The following FAT4 variants were observed in gnomAD, a reference collection of about 807,000 sequenced individuals.
FAT4 encodes protocadherin Fat 4.
A neutral mutation model predicts 303.9 loss-of-function variants in FAT4; 84 were observed. The observed-to-expected ratio is 0.28, with a 90% confidence interval of 0.23 to 0.33. The LOEUF (loss-of-function observed/expected upper bound fraction) is 0.33. Among genes scored for constraint, FAT4 ranks in the 10% least tolerant of loss-of-function variants. FAT4 has a pLI of 1.00. For missense variants in FAT4, 6,005 were observed against 6,146.8 expected (o/e 0.98, Z 0.77); for synonymous variants, 2,307 against 2,298.8 (o/e 1.00, Z -0.10).
chr4:125,418,866 AAG>A (rs1226327281), intron 7 of FAT4, among the ~76,000 whole-genome samples: 1 of 145,532 alleles, frequency 6.9e-6, no homozygotes, highest in Non-Finnish European at 1.5e-5. Context: ...CCTTTCTTAC[AAG>A]AGTTTGCCTT....
At chr4:125,476,496 G>A (rs1302389021) in intron 13 of FAT4, among the ~76,000 whole-genome samples, 1 of 152,110 alleles carries the variant, frequency 6.6e-6, no homozygotes, top group Non-Finnish European at 1.5e-5. Context: ...AATATAGCCA[G>A]TAGTCTTTGG....
At chr4:125,386,308 C>T (rs1178027896) in intron 2 of FAT4, among the ~76,000 whole-genome samples, 2 of 152,150 alleles carry the variant, frequency 1.3e-5, no homozygotes. Context: ...GGCGGATTCT[C>T]ACTCTGTTGC....
rs1303175295 is a variant in FAT4 at position 125,406,860 on chromosome 4, T to C, written c.5308-20T>C. On this transcript the variant is annotated intron_variant, in intron 3 of 17. Transcript: ENST00000394329. ...GCTTTTCTACTTCCAATAGCTCAGA[T>C]GCTTGGTCTCTTTTTTTAGGGTGCA... 3 of 1,609,976 alleles carry C rather than the reference T, an allele frequency of 1.9e-6. No homozygotes were observed. The highest frequency in any genetic ancestry group is 1.1e-5 in the South Asian group (1 of 90,780).
Position 125,415,321 on chromosome 4 carries a change from T to C in FAT4, c.6358T>C (p.Tyr2120His). Residue 2120 changes from tyrosine (Y) to histidine (H), a missense_variant, in exon 6 of 18, where the codon TAT becomes CAT. By Grantham distance (83) the Tyr-to-His change is moderately conservative. Transcript: ENST00000394329. ...GELDREEVSN[Y>H]TLTVVATDKG... The stretch of plus-strand genomic sequence containing the variant: ...ACTGGACAGAGAAGAAGTTTCTAAT[T>C]ATACTCTAACAGTGGTGGCTACAGA... 2 of 1,614,020 alleles carry C rather than the reference T, an allele frequency of 1.2e-6. No individual in the cohort carries two copies. The highest frequency in any genetic ancestry group is 1.7e-6 in the Non-Finnish European group (2 of 1,179,968).
intron 12 of FAT4, 60 bp downstream of exon 12, chr4:125,468,879 A>G: frequency 6.7e-7 from 1 of 1,494,106 alleles, no homozygotes; most frequent in Non-Finnish European, 9.1e-7. Context: ...TAAAGTATGA[A>G]TTGGGGTGCA....
intron 2 of FAT4, among the ~76,000 whole-genome samples, chr4:125,378,000 T>C (rs1157812828): frequency 6.6e-6 from 1 of 152,110 alleles, no homozygotes; most frequent in African/African-American, 2.4e-5. Context: ...AGGGTTGTAT[T>C]GCATATTAAC....
chr4:125,459,637 T>A (rs1296784305), intron 10 of FAT4, among the ~76,000 whole-genome samples: 1 of 152,040 alleles, frequency 6.6e-6, no homozygotes, highest in Non-Finnish European at 1.5e-5. Flanking sequence ...GCAGTAAACA[T>A]ATCTTAATGG....
Position 125,411,450 on chromosome 4 carries a change from C to T in FAT4, c.5920+2656C>T, listed in dbSNP as rs529890322. Among the ~76,000 whole-genome samples, 4 of 151,850 alleles carry T rather than the reference C, an allele frequency of 2.6e-5. No individual in the cohort carries two copies. In the East Asian group the frequency reaches 5.8e-4, roughly 22 times the overall value. On this transcript the variant is annotated intron_variant, in intron 5 of 17. Transcript: ENST00000394329. ...ATATTAAAATGTTTTGCTAATAATA[C>T]AATTGGAATTTTTGCTGAATAAATG...
At position 125,451,348 on chromosome 4, in the gene FAT4, C is replaced by T. The variant is rs376736700; in HGVS notation, c.10338C>T (p.Ile3446=). Residue 3446 remains isoleucine, a synonymous_variant, in exon 10 of 18, where the codon ATC becomes ATT. Coordinates refer to ENST00000394329, the MANE Select transcript of FAT4 (RefSeq NM_001291303.3). ...IPSWSRFSYF[I]GSGNENGAFS... is the part of the protein sequence containing the mutation. ...GCTGGAGCAGGTTTTCTTACTTCAT[C>T]GGATCAGGGAATGAAAATGGTGCCT... is the stretch of plus-strand genomic sequence containing the variant. 3.1e-6 allele frequency: 5 copies of T among 1,613,990 alleles called. No individual in the cohort carries two copies. Among genetic ancestry groups the T allele is most frequent in the African/African-American group, 1.3e-5 (1 of 74,894 alleles).
At chr4:125,485,712 G>A (rs1727385758) in intron 16 of FAT4, among the ~76,000 whole-genome samples, 1 of 152,124 alleles carries the variant, frequency 6.6e-6, no homozygotes, top group Non-Finnish European at 1.5e-5. Flanking sequence ...TGTAGTAAAT[G>A]CATAAACCAC....
chr4:125,418,660 A>T (rs4834036), intron 7 of FAT4, among the ~76,000 whole-genome samples: 1 of 152,196 alleles, frequency 6.6e-6, no homozygotes, highest in African/African-American at 2.4e-5. Flanking sequence ...AACAGAAAGT[A>T]TGGATATTCG....
In FAT4 at chr4:125,463,738, T is replaced by C. The variant is rs573607444; in HGVS notation, c.11905+71T>C. 2.8e-5 allele frequency: 31 copies of C among 1,098,870 alleles called. No homozygotes were observed. The East Asian group carries it at 4.6e-4, about 16-fold the overall frequency. The allele number at this position is 1,098,870 out of a possible 1,614,324, so 68.1% of individuals were successfully genotyped here. On this transcript the variant is annotated intron_variant, in intron 11 of 17. Coordinates refer to ENST00000394329, the MANE Select transcript of FAT4 (RefSeq NM_001291303.3). Reference sequence around the variant, plus strand: ...CACACAGTTTAGCAATTTTGTTTTATTATGAGTATGAAAGACCAAAAAATT... The same window carrying C: ...CACACAGTTTAGCAATTTTGTTTTACTATGAGTATGAAAGACCAAAAAATT...
intron 2 of FAT4, among the ~76,000 whole-genome samples, chr4:125,330,609 T>C (rs1731344060): frequency 6.6e-6 from 1 of 152,230 alleles, no homozygotes; most frequent in Non-Finnish European, 1.5e-5. Flanking sequence ...GGCAGATATA[T>C]TGATCTGCTA....
chr4:125,424,190 C>A (rs907997208), intron 7 of FAT4, among the ~76,000 whole-genome samples: 2 of 152,014 alleles, frequency 1.3e-5, no homozygotes, highest in African/African-American at 4.8e-5. Flanking sequence ...TGGCTGTGTG[C>A]CCAGCCAAAT....
Position 125,481,880 on chromosome 4 carries a change from C to A in FAT4, c.12822+142C>A, listed in dbSNP as rs1273351672. 4.4e-6 allele frequency: 3 copies of A among 684,278 alleles called. No individual in the cohort carries two copies. In the East Asian group the frequency reaches 8.2e-5, roughly 19 times the overall value. 42.4% of individuals were successfully genotyped at this position (684,278 alleles called of 1,614,324 possible). A position where few individuals can be genotyped will look rare whatever the true frequency, so the allele number is the denominator to read the frequency against. ...ATGCTGGGCACTATTCCAATGTCAT[C>A]TATCTTAACTATTCCCCAGGCATTG... On this transcript the variant is annotated intron_variant, in intron 16 of 17. Coordinates refer to ENST00000394329, the MANE Select transcript of FAT4 (RefSeq NM_001291303.3).
intron 2 of FAT4, among the ~76,000 whole-genome samples, chr4:125,357,138 T>A (rs1732461277): frequency 6.6e-6 from 1 of 152,084 alleles, no homozygotes; most frequent in Non-Finnish European, 1.5e-5. Context: ...TGAATGAAAT[T>A]GATCCATCAG....
At chr4:125,489,220 G>A (rs959749591) in intron 17 of FAT4, among the ~76,000 whole-genome samples, 9 of 152,178 alleles carry the variant, frequency 5.9e-5, no homozygotes, top group Admixed American at 5.9e-4. Context: ...AGGAATATCA[G>A]CACTGTTAAC....
At chr4:125,465,378 T>G (rs565242559) in intron 11 of FAT4, among the ~76,000 whole-genome samples, 1 of 152,332 alleles carries the variant, frequency 6.6e-6, no homozygotes, top group South Asian at 2.1e-4. Flanking sequence ...TGCTGCTTTC[T>G]ACAGATAACC....
chr4:125,386,397 C>A (rs1209536456), intron 2 of FAT4, among the ~76,000 whole-genome samples: 1 of 152,114 alleles, frequency 6.6e-6, no homozygotes, highest in African/African-American at 2.4e-5. Flanking sequence ...CCTGCCTCAG[C>A]CTCCTGAGTA....
Sources: gnomAD v4.1 joint callset for allele counts (sites outside exome capture counted in the v4.1 genomes callset) on GRCh38, gnomAD v4.1.1 for gene constraint, MANE v1.5 for transcripts, NCBI Gene and HGNC (gene_info 2026-07-23, HGNC 2026-07-21) for gene names.